DNAH14: variants seen among roughly 807,000 people sequenced by gnomAD.
DNAH14 encodes dynein axonemal heavy chain 14.
A neutral mutation model predicts 520.9 loss-of-function variants in DNAH14; 478 were observed. The ratio of observed to expected loss-of-function variants is 0.92; its 90% confidence interval spans 0.85 to 0.99. The LOEUF (loss-of-function observed/expected upper bound fraction) is 0.99. Ranked by LOEUF, DNAH14 falls within the 50% of genes least tolerant of loss-of-function variation. The pLI is 0.00. For synonymous variants in DNAH14, 1,581 were observed against 1,757.2 expected, an observed-to-expected ratio of 0.90 and a Z score of 2.51; for missense variants, 4,831 against 5,234.5, an observed-to-expected ratio of 0.92 and a Z score of 2.38.
chr1:225,188,131 A>G lies in DNAH14; in HGVS notation c.5670+2706A>G, dbSNP rs200513609. 9.9e-5 allele frequency among the ~76,000 whole-genome samples: 15 copies of G among 151,896 alleles called. 1 individual carries two copies. The East Asian group carries it at 2.7e-3, about 27-fold the overall frequency. On this transcript the variant is annotated intron_variant, in intron 37 of 85. Coordinates refer to ENST00000682510, the MANE Select transcript of DNAH14 (RefSeq NM_001367479.1). The stretch of plus-strand genomic sequence containing the variant: ...ACAATAGATATGTTGTGATTGCTAT[A>G]TAGTTTTATATAGTAGTCTCCCTGT...
chr1:225,290,887 C>A (rs1487744291), intron 55 of DNAH14, among the ~76,000 whole-genome samples: 1 of 151,206 alleles, frequency 6.6e-6, no homozygotes, highest in Non-Finnish European at 1.5e-5. Flanking sequence ...ATTCAATATC[C>A]TCCTTCTAGC....
intron 69 of DNAH14, among the ~76,000 whole-genome samples, chr1:225,341,045 A>G (rs1340701069): frequency 2.6e-5 from 4 of 152,236 alleles, no homozygotes; most frequent in Admixed American, 2.0e-4. Flanking sequence ...TAGATTACAG[A>G]GACTCAATGA....
chr1:225,156,146 A>G (rs76039469), intron 34 of DNAH14, among the ~76,000 whole-genome samples: 2,376 of 152,172 alleles, frequency 0.016, 51 homozygotes, highest in East Asian at 0.053. Flanking sequence ...ATAGTAATTC[A>G]TCCCTCCCTT....
intron 12 of DNAH14, among the ~76,000 whole-genome samples, chr1:225,039,392 T>C (rs956250379): frequency 7.4e-6 from 1 of 135,910 alleles, no homozygotes; most frequent in African/African-American, 2.4e-5. Context: ...CTAGATAAAC[T>C]TATTTTTTTT....
At chr1:224,991,684 G>C (rs542135175) in intron 8 of DNAH14, among the ~76,000 whole-genome samples, 1 of 151,910 alleles carries the variant, frequency 6.6e-6, no homozygotes, top group Non-Finnish European at 1.5e-5. Flanking sequence ...CAGTAGAGAC[G>C]GGTATCTATA....
chr1:225,055,748 G>A (rs184310688), intron 17 of DNAH14, among the ~76,000 whole-genome samples: 31 of 140,764 alleles, frequency 2.2e-4, no homozygotes, highest in East Asian at 1.6e-3. Flanking sequence ...ATGTGTTCTC[G>A]TTGTTCAGTT....
intron 35 of DNAH14, among the ~76,000 whole-genome samples, chr1:225,164,677 T>C (rs1351378640): frequency 6.6e-6 from 1 of 152,170 alleles, no homozygotes; most frequent in African/African-American, 2.4e-5. Context: ...CTGATGCCTC[T>C]TTTAGCTGAA....
At chr1:225,040,999 G>A in intron 12 of DNAH14, among the ~76,000 whole-genome samples, 1 of 152,144 alleles carries the variant, frequency 6.6e-6, no homozygotes, top group Non-Finnish European at 1.5e-5. Context: ...TCTCCTGAGG[G>A]ACAGAACCAA....
intron 69 of DNAH14, among the ~76,000 whole-genome samples, chr1:225,341,478 C>T (rs1448524070): frequency 1.3e-5 from 2 of 152,004 alleles, no homozygotes; most frequent in Non-Finnish European, 1.5e-5. Flanking sequence ...ACCAGCCTGA[C>T]CAACATGGAG....
At chr1:225,006,256 C>A (rs943458285) in intron 9 of DNAH14, among the ~76,000 whole-genome samples, 25 of 152,074 alleles carry the variant, frequency 1.6e-4, no homozygotes, top group African/African-American at 5.3e-4. Flanking sequence ...GTTATGATTG[C>A]GTTATCTGTA....
intron 57 of DNAH14, among the ~76,000 whole-genome samples, chr1:225,304,120 A>G (rs568064085): frequency 6.6e-6 from 1 of 152,316 alleles, no homozygotes; most frequent in African/African-American, 2.4e-5. Flanking sequence ...TTATCTCCCA[A>G]TCCAGGCAAA....
At chr1:225,058,130 G>A (rs2069418498) in intron 17 of DNAH14, among the ~76,000 whole-genome samples, 1 of 152,152 alleles carries the variant, frequency 6.6e-6, no homozygotes, top group Admixed American at 6.5e-5. Context: ...TGTATCTCTG[G>A]TAGAATTCGG....
intron 27 of DNAH14, 94 bp from the exon 28 acceptor site, chr1:225,140,674 T>C: frequency 9.6e-7 from 1 of 1,044,178 alleles, no homozygotes; most frequent in Non-Finnish European, 1.3e-6. Context: ...ACATAAACTT[T>C]ATGAAAACAT....
chr1:225,035,939 C>CTA (rs901448149), intron 11 of DNAH14, among the ~76,000 whole-genome samples: 1 of 151,866 alleles, frequency 6.6e-6, no homozygotes, highest in Non-Finnish European at 1.5e-5. Flanking sequence ...GTTGAAGTCT[C>CTA]TAGCTATTAT....
chr1:225,395,299 T>C (rs1230872148), intron 84 of DNAH14, among the ~76,000 whole-genome samples: 1 of 152,142 alleles, frequency 6.6e-6, no homozygotes, highest in African/African-American at 2.4e-5. Context: ...TTTGATATTA[T>C]TCTGTAGGAT....
At chr1:225,153,377 T>C (rs1254002154) in intron 33 of DNAH14, among the ~76,000 whole-genome samples, 1 of 152,162 alleles carries the variant, frequency 6.6e-6, no homozygotes, top group African/African-American at 2.4e-5. Flanking sequence ...TTAACAATTA[T>C]TGTTCTAGCA....
chr1:225,216,302 A>G (rs943483660), intron 41 of DNAH14, among the ~76,000 whole-genome samples: 2 of 152,184 alleles, frequency 1.3e-5, no homozygotes, highest in African/African-American at 4.8e-5. Flanking sequence ...TGGGTAACCC[A>G]ACCTTTCTCT....
At chr1:225,330,445 C>T (rs189179112) in intron 64 of DNAH14, among the ~76,000 whole-genome samples, 168 of 152,266 alleles carry the variant, frequency 1.1e-3, no homozygotes, top group African/African-American at 3.9e-3. Flanking sequence ...AAATGTTGTA[C>T]TTATACACAG....
intron 38 of DNAH14, among the ~76,000 whole-genome samples, chr1:225,195,259 A>G (rs977017211): frequency 2.0e-5 from 3 of 152,190 alleles, no homozygotes; most frequent in African/African-American, 7.2e-5. Context: ...GAATTAACCT[A>G]GATGCCCATC....
Sources: allele counts gnomAD v4.1 joint callset (sites outside exome capture counted in the v4.1 genomes callset), GRCh38; gene constraint gnomAD v4.1.1; transcripts MANE v1.5; gene names NCBI Gene and HGNC (gene_info 2026-07-23, HGNC 2026-07-21).